The following TLN2 variants were observed in gnomAD, a reference collection of about 807,000 sequenced individuals.
The protein encoded by TLN2 is talin-2.
TLN2 carries 118 observed loss-of-function variants against 294.7 expected under a neutral mutation model. The ratio of observed to expected loss-of-function variants is 0.40; its 90% confidence interval spans 0.34 to 0.47. The LOEUF (loss-of-function observed/expected upper bound fraction) is 0.47. Among genes scored for constraint, TLN2 ranks in the 20% least tolerant of loss-of-function variants. TLN2 has a pLI of 0.84. For synonymous variants in TLN2, 1,431 were observed against 1,304.5 expected, an observed-to-expected ratio of 1.10 and a Z score of -2.09; for missense variants, 3,083 against 3,282.2, an observed-to-expected ratio of 0.94 and a Z score of 1.48.
intron 1 of TLN2, among the ~76,000 whole-genome samples, chr15:62,536,424 AC>A (rs1305243612): frequency 6.6e-6 from 1 of 152,190 alleles, no homozygotes; most frequent in Admixed American, 6.5e-5. Context: ...CTTCTGTGGC[AC>A]CAATTTGGGT....
At chr15:62,510,554 A>C (rs1047619957) in intron 1 of TLN2, among the ~76,000 whole-genome samples, 28 of 152,358 alleles carry the variant, frequency 1.8e-4, no homozygotes, top group African/African-American at 6.3e-4. Flanking sequence ...ATGGCTTAGC[A>C]TGTCATTTAA....
intron 7 of TLN2, among the ~76,000 whole-genome samples, chr15:62,653,540 A>T (rs999569031): frequency 8.5e-5 from 13 of 152,254 alleles, no homozygotes; most frequent in African/African-American, 3.1e-4. Flanking sequence ...CCTGGCCAAT[A>T]TGGTGAAACC....
intron 1 of TLN2, among the ~76,000 whole-genome samples, chr15:62,544,566 G>T (rs1477364758): frequency 1.3e-5 from 2 of 152,160 alleles, no homozygotes; most frequent in Non-Finnish European, 2.9e-5. Context: ...GTCTTTTAAA[G>T]GTTCTAAATT....
At chr15:62,572,721 T>C (rs2043992241) in intron 1 of TLN2, among the ~76,000 whole-genome samples, 1 of 152,252 alleles carries the variant, frequency 6.6e-6, no homozygotes, top group South Asian at 2.1e-4. Flanking sequence ...TTGTGGCTTC[T>C]GCCTTTCCTT....
chr15:62,798,141 C>T (rs1013389849), intron 48 of TLN2, among the ~76,000 whole-genome samples: 1 of 152,060 alleles, frequency 6.6e-6, no homozygotes, highest in African/African-American at 2.4e-5. Context: ...ATTGGTGTCC[C>T]CAGCTGCTTG....
chr15:62,820,622 T>A lies in TLN2; in HGVS notation c.7002+12T>A. On this transcript the variant is annotated intron_variant, in intron 54 of 58. Transcript: ENST00000636159. ...GAGCAAAACCAAAAGTAAGTGTTCA[T>A]TTATGGTTGGCTGTCCGATGTCAGT... The A allele has an allele frequency of 6.2e-7, 1 of 1,611,272 alleles. No homozygotes were observed. The highest frequency in any genetic ancestry group is 8.5e-7 in the Non-Finnish European group (1 of 1,178,316).
intron 1 of TLN2, among the ~76,000 whole-genome samples, chr15:62,563,308 AT>A (rs1385308592): frequency 6.6e-6 from 1 of 152,064 alleles, no homozygotes; most frequent in Admixed American, 6.5e-5. Context: ...GTAAAGTGGT[AT>A]TGCATTGTGG....
chr15:62,399,590 A>T (rs1401603237), intron 1 of TLN2, among the ~76,000 whole-genome samples: 2 of 152,262 alleles, frequency 1.3e-5, no homozygotes, highest in Non-Finnish European at 2.9e-5. Context: ...GTCCAAGGTC[A>T]TGGGAACCCA....
chr15:62,658,037 T>C (rs567183982), intron 9 of TLN2, 139 bp downstream of exon 9: 5 of 843,444 alleles, frequency 5.9e-6, no homozygotes, highest in Admixed American at 3.1e-5. Context: ...TTCCATCGAG[T>C]AGATGACCAA....
intron 37 of TLN2, among the ~76,000 whole-genome samples, chr15:62,761,165 C>T (rs1310011302): frequency 6.6e-6 from 1 of 152,166 alleles, no homozygotes; most frequent in East Asian, 1.9e-4. Flanking sequence ...AGAATGATGA[C>T]AGTTATGCCT....
chr15:62,789,271 A>C (rs1199549285), intron 45 of TLN2, among the ~76,000 whole-genome samples: 9 of 152,194 alleles, frequency 5.9e-5, no homozygotes, highest in African/African-American at 1.9e-4. Context: ...AGCGCTGAAT[A>C]TGGAGGCAAA....
intron 54 of TLN2, among the ~76,000 whole-genome samples, chr15:62,825,241 A>T (rs2067948647): frequency 6.6e-6 from 1 of 152,208 alleles, no homozygotes; most frequent in East Asian, 1.9e-4. Context: ...TTTGGTTTTG[A>T]GTCCAGTTAC....
At chr15:62,615,304 T>C (rs1261994341) in intron 2 of TLN2, among the ~76,000 whole-genome samples, 2 of 152,218 alleles carry the variant, frequency 1.3e-5, no homozygotes, top group South Asian at 2.1e-4. Context: ...AGCAACTCTT[T>C]CTTTTTGCAC....
intron 50 of TLN2, among the ~76,000 whole-genome samples, chr15:62,805,014 G>A (rs1446584481): frequency 2.0e-5 from 3 of 152,172 alleles, no homozygotes; most frequent in African/African-American, 7.2e-5. Flanking sequence ...GGGTGGGTCG[G>A]TGGGTTGCTA....
chr15:62,835,975 A>G lies in TLN2; in HGVS notation c.7276A>G (p.Ile2426Val). The G allele has an allele frequency of 3.7e-6, 6 of 1,614,104 alleles. No homozygotes were observed. Among genetic ancestry groups the G allele is most frequent in the Non-Finnish European group, 5.1e-6 (6 of 1,179,978 alleles). Residue 2426 changes from isoleucine to valine, a missense_variant, in exon 57 of 59, where the codon ATC becomes GTC. Transcript: ENST00000636159. ...VQGHASEEKLISSAKQVAAST... is the reference protein window; with the variant it reads ...VQGHASEEKLVSSAKQVAAST... ...GGGACACGCCAGCGAGGAGAAGCTC[A>G]TCTCATCTGCCAAGCAGGTCGCCGC...
chr15:62,391,634 A>G (rs889216263), intron 1 of TLN2, among the ~76,000 whole-genome samples: 3 of 151,728 alleles, frequency 2.0e-5, no homozygotes, highest in Admixed American at 1.3e-4. Flanking sequence ...TGTCGCCGGG[A>G]AAGTTTGCGC....
intron 2 of TLN2, among the ~76,000 whole-genome samples, chr15:62,608,011 C>T (rs184917693): frequency 8.5e-5 from 13 of 152,248 alleles, no homozygotes; most frequent in Admixed American, 5.2e-4. Flanking sequence ...TAGGCTTTTG[C>T]GAAGGACATG....
chr15:62,584,958 G>A (rs2045464323), intron 1 of TLN2, among the ~76,000 whole-genome samples: 2 of 152,248 alleles, frequency 1.3e-5, no homozygotes, highest in South Asian at 4.1e-4. Flanking sequence ...ACTTAAGAGA[G>A]CAAAACACTT....
chr15:62,716,563 A>C, intron 23 of TLN2, 104 bp downstream of exon 23: 1 of 1,402,774 alleles, frequency 7.1e-7, no homozygotes, highest in South Asian at 1.7e-5. Flanking sequence ...AAGAAAGCCA[A>C]GTCAAGGTTC....
Sources: gnomAD v4.1 joint callset for allele counts (sites outside exome capture counted in the v4.1 genomes callset) on GRCh38, gnomAD v4.1.1 for gene constraint, MANE v1.5 for transcripts, NCBI Gene and HGNC (gene_info 2026-07-23, HGNC 2026-07-21) for gene names.